FBXL17: variants seen among roughly 807,000 people sequenced by gnomAD.
FBXL17 encodes F-box and leucine rich repeat protein 17, also known as F-box/LRR-repeat protein 17.
In FBXL17, 22 loss-of-function variants were observed where a neutral mutation model predicts 66.2. That is an observed-to-expected ratio of 0.33 (90% CI 0.24 to 0.47). The LOEUF (loss-of-function observed/expected upper bound fraction) is 0.47, where lower values mean the gene tolerates loss of function less well. Among genes scored for constraint, FBXL17 ranks in the 20% least tolerant of loss-of-function variants. The pLI is 1.00. For missense variants in FBXL17, 878 were observed against 948.2 expected (o/e 0.93, Z 0.97); for synonymous variants, 474 against 400.5 (o/e 1.18, Z -2.19).
At chr5:108,316,654 C>A (rs1431927128) in intron 4 of FBXL17, among the ~76,000 whole-genome samples, 1 of 151,192 alleles carries the variant, frequency 6.6e-6, no homozygotes, top group Non-Finnish European at 1.5e-5. Flanking sequence ...ATTATACTAA[C>A]TAGATTCAAT....
In FBXL17 at chr5:108,009,282, T is replaced by G. The variant is rs377466475; in HGVS notation, c.1822+11643A>C. ...TGTTTTATATATATATATATATATA[T>G]ATATATATATATATATATACATATA... is the stretch of plus-strand genomic sequence containing the variant. On this transcript the variant is annotated intron_variant, in intron 7 of 8. Coordinates refer to ENST00000542267, the MANE Select transcript of FBXL17 (RefSeq NM_001163315.3). 5.6e-3 allele frequency among the ~76,000 whole-genome samples: 308 copies of G among 54,710 alleles called. 56 individuals carry two copies. The highest frequency in any genetic ancestry group is 8.2e-3 in the African/African-American group (64 of 7,792). 35.9% of individuals were successfully genotyped at this position (54,710 alleles called of 152,430 possible). A position where few individuals can be genotyped will look rare whatever the true frequency, so the allele number is the denominator to read the frequency against.
intron 4 of FBXL17, among the ~76,000 whole-genome samples, chr5:108,288,483 T>C (rs1305377286): frequency 3.3e-5 from 5 of 151,682 alleles, no homozygotes; most frequent in Non-Finnish European, 4.4e-5. Flanking sequence ...AAATGAGGTA[T>C]GCTTGTAAAC....
intron 1 of FBXL17, among the ~76,000 whole-genome samples, chr5:108,377,790 A>G (rs1002675732): frequency 1.3e-5 from 2 of 152,200 alleles, no homozygotes; most frequent in East Asian, 1.9e-4. Flanking sequence ...AAATGAGAAA[A>G]TAAAAACTTA....
At chr5:108,048,848 A>G (rs1053301882) in intron 6 of FBXL17, among the ~76,000 whole-genome samples, 3 of 152,140 alleles carry the variant, frequency 2.0e-5, no homozygotes, top group African/African-American at 7.2e-5. Flanking sequence ...TACCTAAAGG[A>G]GATGAGGAGA....
At chr5:108,184,661 T>C (rs993511219) in intron 6 of FBXL17, among the ~76,000 whole-genome samples, 2 of 146,276 alleles carry the variant, frequency 1.4e-5, no homozygotes, top group South Asian at 2.2e-4. Context: ...AGAGAATCCC[T>C]TGAACCCAGG....
chr5:108,317,951 C>T (rs868289995), intron 4 of FBXL17, among the ~76,000 whole-genome samples: 16 of 151,578 alleles, frequency 1.1e-4, no homozygotes, highest in African/African-American at 3.6e-4. Flanking sequence ...AAAAGCTTTA[C>T]AGATAATTAA....
intron 6 of FBXL17, among the ~76,000 whole-genome samples, chr5:108,034,234 CTAA>C (rs1561377866): frequency 2.0e-5 from 3 of 152,302 alleles, no homozygotes; most frequent in African/African-American, 7.2e-5. Context: ...CACTTTATCT[CTAA>C]TGAGTTGAAC....
chr5:107,945,417 G>A (rs1055474095), intron 7 of FBXL17, among the ~76,000 whole-genome samples: 3 of 152,036 alleles, frequency 2.0e-5, no homozygotes, highest in Non-Finnish European at 4.4e-5. Context: ...GATACACAAG[G>A]ATATTCATTG....
intron 6 of FBXL17, among the ~76,000 whole-genome samples, chr5:108,130,196 T>C (rs1450220765): frequency 6.6e-6 from 1 of 151,848 alleles, no homozygotes; most frequent in East Asian, 1.9e-4. Flanking sequence ...TTAAACAGGT[T>C]TGGCGAAGTC....
intron 5 of FBXL17, among the ~76,000 whole-genome samples, chr5:108,209,784 G>A (rs1754287386): frequency 6.6e-6 from 1 of 152,008 alleles, no homozygotes; most frequent in African/African-American, 2.4e-5. Context: ...TTTTTATTGT[G>A]TCACTACCAG....
At chr5:108,002,599 T>C (rs541654705) in intron 7 of FBXL17, among the ~76,000 whole-genome samples, 3 of 152,276 alleles carry the variant, frequency 2.0e-5, no homozygotes, top group Non-Finnish European at 2.9e-5. Context: ...GCAGCATTAT[T>C]TATAATAGTG....
intron 4 of FBXL17, among the ~76,000 whole-genome samples, chr5:108,297,545 GC>G (rs1758399313): frequency 6.6e-6 from 1 of 151,520 alleles, no homozygotes; most frequent in African/African-American, 2.4e-5. Flanking sequence ...AAAATCCAAT[GC>G]ATAAACATCA....
At chr5:107,923,130 A>C (rs758435662) in intron 7 of FBXL17, among the ~76,000 whole-genome samples, 2 of 152,190 alleles carry the variant, frequency 1.3e-5, no homozygotes, top group Non-Finnish European at 2.9e-5. Flanking sequence ...GCATGCCAGT[A>C]TGTTGTGGGG....
chr5:108,371,093 T>C (rs1270423047), intron 1 of FBXL17, among the ~76,000 whole-genome samples: 6 of 152,006 alleles, frequency 3.9e-5, no homozygotes, highest in East Asian at 1.9e-4. Context: ...ACCAGGAAAA[T>C]GGGCCTCTGC....
At chr5:108,250,181 G>A (rs1270361922) in intron 4 of FBXL17, among the ~76,000 whole-genome samples, 1 of 152,090 alleles carries the variant, frequency 6.6e-6, no homozygotes, top group East Asian at 1.9e-4. Context: ...TTTGATGAAT[G>A]CTACAGCAAA....
At chr5:108,173,390 A>C (rs2150018922) in intron 6 of FBXL17, among the ~76,000 whole-genome samples, 1 of 152,230 alleles carries the variant, frequency 6.6e-6, no homozygotes, top group East Asian at 1.9e-4. Context: ...CTAGAACTTA[A>C]AGTATAATAA....
chr5:107,963,638 G>C (rs1334771474), intron 7 of FBXL17, among the ~76,000 whole-genome samples: 2 of 152,086 alleles, frequency 1.3e-5, no homozygotes, highest in African/African-American at 4.8e-5. Context: ...GTAAGAGTTA[G>C]TGATAAAGTA....
In FBXL17 at chr5:108,380,790, C is replaced by A; in HGVS notation, c.902G>T (p.Arg301Leu). ...GTCGCAGGGGTTTTCGGGGGACTCC[C>A]GACAGTCCGCGTCGCCACATTCATG... ...QQHECGDADC[R>L]ESPENPCDCH... Residue 301 changes from arginine to leucine, a missense_variant, in exon 1 of 9, where the codon CGG becomes CTG. By Grantham distance (102) the Arg-to-Leu change is moderately radical. Transcript: ENST00000542267. 1 of 1,248,124 alleles carries A rather than the reference C, an allele frequency of 8.0e-7. No homozygotes were observed. Among genetic ancestry groups the A allele is most frequent in the Non-Finnish European group, 1.0e-6 (1 of 988,126 alleles). The allele number at this position is 1,248,124 out of a possible 1,614,324, so 77.3% of individuals were successfully genotyped here. A position where few individuals can be genotyped will look rare whatever the true frequency, so the allele number is the denominator to read the frequency against.
intron 6 of FBXL17, among the ~76,000 whole-genome samples, chr5:108,090,907 G>A (rs1416994064): frequency 6.8e-6 from 1 of 146,556 alleles, no homozygotes; most frequent in African/African-American, 2.6e-5. Context: ...TATTTTATAG[G>A]TTAAACATGA....
Sources: allele counts gnomAD v4.1 joint callset (sites outside exome capture counted in the v4.1 genomes callset), GRCh38; gene constraint gnomAD v4.1.1; transcripts MANE v1.5; gene names NCBI Gene and HGNC (gene_info 2026-07-23, HGNC 2026-07-21).